Variants in NEGR1 observed in about 807,000 individuals in gnomAD.
NEGR1 encodes the protein neuronal growth regulator 1.
NEGR1 carries 10 observed loss-of-function variants against 40.9 expected under a neutral mutation model. The observed-to-expected ratio is 0.24, with a 90% confidence interval of 0.15 to 0.42. The LOEUF is 0.42. Ranked by LOEUF, NEGR1 falls within the 10% of genes least tolerant of loss-of-function variation. NEGR1 has a pLI of 1.00. For missense variants in NEGR1, 352 were observed against 438.9 expected, an observed-to-expected ratio of 0.80 and a Z score of 1.77; for synonymous variants, 185 against 166.8, an observed-to-expected ratio of 1.11 and a Z score of -0.84.
chr1:71,718,494 A>G (rs1654349822), intron 3 of NEGR1, among the ~76,000 whole-genome samples: 1 of 152,162 alleles, frequency 6.6e-6, no homozygotes, highest in African/African-American at 2.4e-5. Context: ...TTTATAAATT[A>G]CCTAGTCTCA....
chr1:71,562,292 T>C (rs1435085482), intron 6 of NEGR1, among the ~76,000 whole-genome samples: 1 of 151,908 alleles, frequency 6.6e-6, no homozygotes, highest in Non-Finnish European at 1.5e-5. Flanking sequence ...TTTGAAAGCA[T>C]GAATTTGCCC....
intron 2 of NEGR1, among the ~76,000 whole-genome samples, chr1:71,886,457 G>A (rs649012): frequency 0.41 from 57,670 of 139,094 alleles, 12,216 homozygotes; most frequent in East Asian, 0.61. Context: ...GTTTATGGGG[G>A]AAAAAAAAAA....
chr1:71,524,789 T>A (rs1040292989), intron 6 of NEGR1, among the ~76,000 whole-genome samples: 7 of 151,764 alleles, frequency 4.6e-5, no homozygotes, highest in Non-Finnish European at 1.0e-4. Flanking sequence ...AACACATGTA[T>A]TCTTAAATGC....
chr1:72,167,215 T>A (rs774914316), intron 1 of NEGR1, among the ~76,000 whole-genome samples: 19 of 152,268 alleles, frequency 1.2e-4, no homozygotes, highest in Admixed American at 2.0e-4. Flanking sequence ...CAACCTGTAT[T>A]AAAATCAAAG....
chr1:71,622,831 C>A (rs984546136), intron 4 of NEGR1, among the ~76,000 whole-genome samples: 5 of 151,824 alleles, frequency 3.3e-5, no homozygotes, highest in Non-Finnish European at 7.4e-5. Flanking sequence ...GCTCTCAGAG[C>A]CAGTTTCCTC....
intron 1 of NEGR1, among the ~76,000 whole-genome samples, chr1:72,268,477 A>C (rs1655726438): frequency 6.6e-6 from 1 of 151,474 alleles, no homozygotes; most frequent in South Asian, 2.1e-4. Context: ...AGACTGAATT[A>C]CAATGTAAAT....
chr1:71,756,870 G>A (rs1655761450), intron 3 of NEGR1, among the ~76,000 whole-genome samples: 1 of 150,904 alleles, frequency 6.6e-6, no homozygotes. Context: ...CTGGCTAACA[G>A]GAAAGGTGAA....
At position 71,920,159 on chromosome 1, in the gene NEGR1, G is replaced by A. The variant is rs376807886; in HGVS notation, c.409+14920C>T. Among the ~76,000 whole-genome samples, 8 of 152,248 alleles carry A rather than the reference G, an allele frequency of 5.3e-5. No individual in the cohort carries two copies. The South Asian group carries it at 1.7e-3, about 32-fold the overall frequency. On this transcript the variant is annotated intron_variant, in intron 2 of 6. Transcript: ENST00000357731. Reference sequence around the variant, plus strand: ...CAGCTCCGAGGAGCTGTACATTTGAGTATCTCTTTGTCAGTACTACTTCTA... The same window carrying A: ...CAGCTCCGAGGAGCTGTACATTTGAATATCTCTTTGTCAGTACTACTTCTA...
In NEGR1 at chr1:72,259,172, G is replaced by C. The variant is rs141058705; in HGVS notation, c.176+23147C>G. On this transcript the variant is annotated intron_variant, in intron 1 of 6. Transcript: ENST00000357731. ...GTTTGCAGTGTAGGATATGTCAGTA[G>C]TTACCAAGTATATAGTATCAATATT... is the stretch of plus-strand genomic sequence containing the variant. Among the ~76,000 whole-genome samples the C allele has an allele frequency of 1.1e-3, 175 of 152,224 alleles. 1 individual carries two copies. Among genetic ancestry groups the C allele is most frequent in the Non-Finnish European group, 2.1e-3 (143 of 67,980 alleles).
At chr1:72,280,307 T>C (rs182096749) in intron 1 of NEGR1, among the ~76,000 whole-genome samples, 16 of 152,204 alleles carry the variant, frequency 1.1e-4, no homozygotes, top group Non-Finnish European at 1.9e-4. Context: ...TAAATTGTTG[T>C]TTGTTTGGGA....
At chr1:72,021,159 A>T (rs888567026) in intron 1 of NEGR1, among the ~76,000 whole-genome samples, 42 of 152,166 alleles carry the variant, frequency 2.8e-4, no homozygotes, top group African/African-American at 1.0e-3. Context: ...TTGGAAATTT[A>T]ATAACATACA....
chr1:72,139,657 A>T (rs1650599287), intron 1 of NEGR1, among the ~76,000 whole-genome samples: 1 of 152,112 alleles, frequency 6.6e-6, no homozygotes, highest in African/African-American at 2.4e-5. Context: ...GTAAAATTCT[A>T]GAAAATGAAA....
chr1:71,856,179 G>T (rs921861639), intron 2 of NEGR1, among the ~76,000 whole-genome samples: 3 of 152,036 alleles, frequency 2.0e-5, no homozygotes, highest in Admixed American at 6.6e-5. Context: ...GGAGTAGATG[G>T]TCTAGTGATA....
intron 6 of NEGR1, among the ~76,000 whole-genome samples, chr1:71,424,796 A>G (rs1334830122): frequency 6.6e-6 from 1 of 152,168 alleles, no homozygotes; most frequent in African/African-American, 2.4e-5. Flanking sequence ...CAGTCCTTCC[A>G]CCACAAGGAA....
chr1:71,642,958 G>GTC (rs1557597703), intron 4 of NEGR1, among the ~76,000 whole-genome samples: 3 of 151,916 alleles, frequency 2.0e-5, no homozygotes, highest in Non-Finnish European at 4.4e-5. Context: ...GTAGGGCTAA[G>GTC]TATATTCAGA....
intron 4 of NEGR1, among the ~76,000 whole-genome samples, chr1:71,655,467 T>C (rs867107505): frequency 2.6e-5 from 4 of 152,210 alleles, no homozygotes; most frequent in Non-Finnish European, 2.9e-5. Context: ...TTTTAGGACA[T>C]TTGTGAACTG....
At chr1:71,689,168 G>A (rs116296770) in intron 4 of NEGR1, among the ~76,000 whole-genome samples, 89 of 152,222 alleles carry the variant, frequency 5.8e-4, no homozygotes, top group African/African-American at 2.0e-3. Flanking sequence ...GTAATAGAAC[G>A]AAATTATCAT....
chr1:71,854,924 T>A (rs1042920214), intron 2 of NEGR1, among the ~76,000 whole-genome samples: 1 of 151,998 alleles, frequency 6.6e-6, no homozygotes, highest in African/African-American at 2.4e-5. Flanking sequence ...CCAAACCATA[T>A]CAATAATCTT....
chr1:71,562,377 C>G (rs1648489257), intron 6 of NEGR1, among the ~76,000 whole-genome samples: 1 of 151,378 alleles, frequency 6.6e-6, no homozygotes, highest in African/African-American at 2.4e-5. Flanking sequence ...GGTATTTTTC[C>G]TGGTTCTAAA....
Sources: allele counts gnomAD v4.1 joint callset (sites outside exome capture counted in the v4.1 genomes callset), GRCh38; gene constraint gnomAD v4.1.1; transcripts MANE v1.5; gene names NCBI Gene and HGNC (gene_info 2026-07-23, HGNC 2026-07-21).